SLC36A1: variants seen among roughly 807,000 people sequenced by gnomAD.
SLC36A1 encodes solute carrier family 36 member 1, also known as proton-coupled amino acid transporter 1.
A neutral mutation model predicts 47.5 loss-of-function variants in SLC36A1; 30 were observed. The ratio of observed to expected loss-of-function variants is 0.63; its 90% CI spans 0.47 to 0.86. The LOEUF (loss-of-function observed/expected upper bound fraction) is 0.86. Ranked by LOEUF, SLC36A1 falls within the 40% of genes least tolerant of loss-of-function variation. The pLI, the probability that SLC36A1 is intolerant of heterozygous loss-of-function variation, is 0.00. For synonymous variants in SLC36A1, 255 were observed against 249.7 expected (o/e 1.02, Z -0.20); for missense variants, 517 against 606.0 (o/e 0.85, Z 1.54).
At chr5:151,357,712 A>G in the SLC36A1 span, among the ~76,000 whole-genome samples, 25 of 152,206 alleles carry the variant, frequency 1.6e-4, no homozygotes, top group South Asian at 6.2e-4. Context: ...GAAGGTTAAA[A>G]TATTTACCAT....
At chr5:151,535,095 CTA>C in the SLC36A1 span, among the ~76,000 whole-genome samples, 3 of 150,682 alleles carry the variant, frequency 2.0e-5, no homozygotes, top group Non-Finnish European at 4.4e-5. Flanking sequence ...TGAAATCATC[CTA>C]TATGTCTTTC....
rs1258878488 is a variant in SLC36A1, at chr5:151,464,538, A to G, written c.259A>G (p.Ile87Val). The change falls in exon 4 of 11, where the codon ATA becomes GTA. Residue 87 changes from isoleucine (I) to valine (V), a missense_variant. By Grantham distance (29) the Ile-to-Val change is conservative (BLOSUM62 3). Transcript: ENST00000243389. ...IVMGPISLLI[I>V]GIVAVHCMGI... ...GATGGGTCCCATCAGCCTGCTGATCATAGGCATCGTGGCCGTGCACTGCAT... is the reference window on the plus strand; with the variant it reads ...GATGGGTCCCATCAGCCTGCTGATCGTAGGCATCGTGGCCGTGCACTGCAT... 2.5e-6 allele frequency: 4 copies of G among 1,614,072 alleles called. No homozygotes were observed. Among genetic ancestry groups the G allele is most frequent in the South Asian group, 1.1e-5 (1 of 91,086 alleles).
chr5:151,453,222 TAAATAAATA>T (rs1385497084), intron 1 of SLC36A1, among the ~76,000 whole-genome samples: 1 of 151,542 alleles, frequency 6.6e-6, no homozygotes, highest in African/African-American at 2.4e-5. Context: ...TAAATTAAAA[TAAATAAATA>T]AAATAAAATA....
the SLC36A1 span, among the ~76,000 whole-genome samples, chr5:151,431,993 G>C: frequency 6.6e-6 from 1 of 152,208 alleles, no homozygotes; most frequent in African/African-American, 2.4e-5. Context: ...TAGGAAGAAT[G>C]AATGGCCAAA....
At chr5:151,480,403 G>C (rs1382135929) in intron 10 of SLC36A1, among the ~76,000 whole-genome samples, 1 of 152,182 alleles carries the variant, frequency 6.6e-6, no homozygotes, top group Non-Finnish European at 1.5e-5. Context: ...TTGGGATAAA[G>C]ATAGATCCAT....
At chr5:151,528,193 A>G in the SLC36A1 span, 4 of 1,591,158 alleles carry the variant, frequency 2.5e-6, no homozygotes, top group Non-Finnish European at 3.4e-6. Context: ...CTGGGAGTAC[A>G]GGGGGAAACA....
the SLC36A1 span, among the ~76,000 whole-genome samples, chr5:151,502,641 A>G: frequency 4.0e-5 from 6 of 148,268 alleles, no homozygotes; most frequent in Non-Finnish European, 7.3e-5. Context: ...AACCCAGAAC[A>G]CAGACACCAC....
upstream of SLC36A1, among the ~76,000 whole-genome samples, chr5:151,432,908 G>T (rs1167739225): frequency 6.6e-6 from 1 of 151,958 alleles, no homozygotes. Flanking sequence ...TCTACATATA[G>T]AATACAGCCT....
chr5:151,503,115 G>A, the SLC36A1 span, among the ~76,000 whole-genome samples: 1 of 147,956 alleles, frequency 6.8e-6, no homozygotes, highest in Middle Eastern at 3.4e-3. Flanking sequence ...AGGATTTTTA[G>A]GGCAGTGAAA....
intron 10 of SLC36A1, among the ~76,000 whole-genome samples, chr5:151,483,665 C>CT: frequency 6.6e-6 from 1 of 152,266 alleles, no homozygotes; most frequent in Admixed American, 6.5e-5. Flanking sequence ...CCCCACATGT[C>CT]TGCATAGTCG....
the SLC36A1 span, among the ~76,000 whole-genome samples, chr5:151,420,185 C>T: frequency 6.6e-6 from 1 of 152,276 alleles, no homozygotes; most frequent in African/African-American, 2.4e-5. Context: ...TGTGCCAACT[C>T]GTTGAACAAG....
chr5:151,542,574 G>T, the SLC36A1 span: 1 of 1,614,208 alleles, frequency 6.2e-7, no homozygotes, highest in East Asian at 2.2e-5. Flanking sequence ...CACTCTCACT[G>T]TCAATGGCAA....
chr5:151,346,737 A>G, the SLC36A1 span, among the ~76,000 whole-genome samples: 2 of 152,126 alleles, frequency 1.3e-5, no homozygotes, highest in Non-Finnish European at 2.9e-5. Flanking sequence ...AGCCTTGTGA[A>G]TAACCCCCAC....
chr5:151,404,000 T>C, the SLC36A1 span, among the ~76,000 whole-genome samples: 1 of 152,188 alleles, frequency 6.6e-6, no homozygotes. Context: ...TGATCTGTCT[T>C]ACACTGTGAG....
At chr5:151,531,652 T>C in the SLC36A1 span, 4 of 1,613,594 alleles carry the variant, frequency 2.5e-6, no homozygotes, top group South Asian at 4.4e-5. The surrounding 1 kb of genome is among the most constrained non-coding windows in gnomAD (Gnocchi z 5.7). Context: ...GCCGGTCTTC[T>C]CTGCGCCCGG....
At chr5:151,346,735 G>T in the SLC36A1 span, among the ~76,000 whole-genome samples, 107 of 152,200 alleles carry the variant, frequency 7.0e-4, no homozygotes, top group Non-Finnish European at 4.9e-4. Flanking sequence ...GAAGCCTTGT[G>T]AATAACCCCC....
chr5:151,519,664 A>G, the SLC36A1 span, among the ~76,000 whole-genome samples: 1 of 152,250 alleles, frequency 6.6e-6, no homozygotes, highest in Non-Finnish European at 1.5e-5. Flanking sequence ...GGCGTTGGCT[A>G]CACAGATATA....
chr5:151,468,347 A>G (rs1756875433), intron 7 of SLC36A1, among the ~76,000 whole-genome samples: 1 of 140,478 alleles, frequency 7.1e-6, no homozygotes, highest in African/African-American at 2.6e-5. Flanking sequence ...TTTTATATAT[A>G]TTACATGTAT....
chr5:151,488,999 G>A lies in SLC36A1; in HGVS notation c.*745G>A, dbSNP rs890326229. The A allele has an allele frequency of 6.6e-6, 1 of 152,046 alleles. No homozygotes were observed. Among genetic ancestry groups the A allele is most frequent in the Admixed American group, 6.6e-5 (1 of 15,262 alleles). The allele number at this position is 152,046 out of a possible 1,614,324, so 9.4% of individuals were successfully genotyped here. On this transcript the variant is annotated 3_prime_UTR_variant, in exon 11 of 11. Coordinates refer to ENST00000243389, the MANE Select transcript of SLC36A1 (RefSeq NM_078483.4). ...TTGTTTTTAGACTGTCTTAGATCTG[G>A]GGCTATTACGAATCACTTCTTCTTC... is the stretch of plus-strand genomic sequence containing the variant.
Sources: allele counts gnomAD v4.1 joint callset (sites outside exome capture counted in the v4.1 genomes callset), GRCh38; gene constraint gnomAD v4.1.1; non-coding constraint Gnocchi (gnomAD v3.1); transcripts MANE v1.5; gene names NCBI Gene and HGNC (gene_info 2026-07-23, HGNC 2026-07-21).